The following PRKG1 variants were observed in gnomAD, a reference collection of about 807,000 sequenced individuals.
The protein encoded by PRKG1 is cGMP-dependent protein kinase 1.
Under a neutral mutation model 88.1 loss-of-function variants are expected in PRKG1, and 35 were observed. That is an observed-to-expected ratio of 0.40 (90% CI 0.30 to 0.53). The LOEUF is 0.53. Ranked by LOEUF, PRKG1 falls within the 20% of genes least tolerant of loss-of-function variation. The pLI, the probability that PRKG1 is intolerant of heterozygous loss-of-function variation, is 0.59. For missense variants in PRKG1, 540 were observed against 839.8 expected (o/e 0.64, Z 4.41); for synonymous variants, 303 against 292.5 (o/e 1.04, Z -0.37).
At chr10:51,515,757 G>A (rs1404098128) in intron 3 of PRKG1, among the ~76,000 whole-genome samples, 1 of 152,052 alleles carries the variant, frequency 6.6e-6, no homozygotes, top group East Asian at 1.9e-4. Context: ...CTCGCAACAG[G>A]GGTCCCCTGT....
chr10:51,661,984 G>A (rs551552128), intron 3 of PRKG1, among the ~76,000 whole-genome samples: 21 of 152,126 alleles, frequency 1.4e-4, no homozygotes, highest in African/African-American at 5.1e-4. Flanking sequence ...ATGACAGAAA[G>A]CCAGACACCA....
At chr10:51,285,509 C>T (rs556082421) in intron 2 of PRKG1, among the ~76,000 whole-genome samples, 1 of 152,248 alleles carries the variant, frequency 6.6e-6, no homozygotes, top group East Asian at 1.9e-4. Flanking sequence ...ATATCGCCCA[C>T]AGGCAAAAGC....
chr10:51,169,550 G>C (rs1846641683), intron 2 of PRKG1, among the ~76,000 whole-genome samples: 1 of 147,950 alleles, frequency 6.8e-6, no homozygotes, highest in Non-Finnish European at 1.5e-5. Flanking sequence ...CTCTTATGAG[G>C]TAAGCAACAT....
chr10:51,593,856 C>T (rs1838374107), intron 3 of PRKG1, among the ~76,000 whole-genome samples: 1 of 151,976 alleles, frequency 6.6e-6, no homozygotes, highest in African/African-American at 2.4e-5. Flanking sequence ...TCCAGAGTAG[C>T]TGGGATTACA....
chr10:51,822,347 T>C (rs903473903), intron 4 of PRKG1, among the ~76,000 whole-genome samples: 3 of 152,094 alleles, frequency 2.0e-5, no homozygotes, highest in South Asian at 4.2e-4. Flanking sequence ...ATAATCCTAC[T>C]TAAGTGTAGA....
rs1215095282 is a variant in PRKG1 at position 51,202,442 on chromosome 10, C to T, written c.478+49112C>T. 2.0e-5 allele frequency among the ~76,000 whole-genome samples: 3 copies of T among 152,190 alleles called. No individual in the cohort carries two copies. The East Asian group carries it at 5.8e-4, about 29-fold the overall frequency. On this transcript the variant is annotated intron_variant, in intron 2 of 17. Transcript: ENST00000373980. Reference sequence around the variant, plus strand: ...GTTCTATCCTGCTTTTCTCACTCCCCAGAAGATTTCTCCTGAGAACACTGC... The same window carrying T: ...GTTCTATCCTGCTTTTCTCACTCCCTAGAAGATTTCTCCTGAGAACACTGC...
intron 3 of PRKG1, among the ~76,000 whole-genome samples, chr10:51,744,186 A>G (rs1271094995): frequency 1.3e-5 from 2 of 152,150 alleles, no homozygotes; most frequent in South Asian, 2.1e-4. Context: ...ATAGATTTTC[A>G]TTTAATTCTC....
At chr10:51,903,797 G>A (rs1462848368) in intron 4 of PRKG1, among the ~76,000 whole-genome samples, 1 of 152,068 alleles carries the variant, frequency 6.6e-6, no homozygotes, top group Admixed American at 6.6e-5. Flanking sequence ...AGCTCAGTGA[G>A]TAAGCAATCA....
intron 2 of PRKG1, among the ~76,000 whole-genome samples, chr10:51,281,540 A>T (rs1407556375): frequency 4.6e-5 from 7 of 152,138 alleles, no homozygotes; most frequent in Non-Finnish European, 8.8e-5. Flanking sequence ...TTGAGTAGGT[A>T]AACAAAGCGG....
intron 5 of PRKG1, among the ~76,000 whole-genome samples, chr10:52,019,593 G>C (rs1845129630): frequency 6.6e-6 from 1 of 152,100 alleles, no homozygotes; most frequent in African/African-American, 2.4e-5. Flanking sequence ...GTGTTAATGA[G>C]GATATTTTAT....
At chr10:52,041,063 T>C (rs1222486189) in intron 5 of PRKG1, among the ~76,000 whole-genome samples, 1 of 152,168 alleles carries the variant, frequency 6.6e-6, no homozygotes, top group South Asian at 2.1e-4. Flanking sequence ...AGTTTTGAAC[T>C]CCTGACCTCA....
At chr10:52,098,763 A>G (rs745812026) in intron 7 of PRKG1, among the ~76,000 whole-genome samples, 29 of 152,324 alleles carry the variant, frequency 1.9e-4, no homozygotes, top group Middle Eastern at 6.8e-3. Flanking sequence ...TGATACCTAA[A>G]TGAGTGTTAG....
intron 5 of PRKG1, among the ~76,000 whole-genome samples, chr10:51,927,121 A>T (rs1029288887): frequency 6.6e-6 from 1 of 152,038 alleles, no homozygotes; most frequent in African/African-American, 2.4e-5. Context: ...ATATGGTTTG[A>T]CCATATTCCT....
At chr10:52,215,887 A>G (rs1435914059) in intron 9 of PRKG1, among the ~76,000 whole-genome samples, 4 of 152,218 alleles carry the variant, frequency 2.6e-5, no homozygotes, top group Non-Finnish European at 5.9e-5. Flanking sequence ...TTTCACATGA[A>G]GAACAAAACC....
At chr10:51,889,060 CT>C (rs35369136) in intron 4 of PRKG1, among the ~76,000 whole-genome samples, 190 of 145,626 alleles carry the variant, frequency 1.3e-3, no homozygotes, top group Middle Eastern at 0.011. Context: ...AACACACATT[CT>C]TTTTTTTTTT....
intron 1 of PRKG1, among the ~76,000 whole-genome samples, chr10:51,016,278 C>A (rs1240005798): frequency 1.3e-5 from 2 of 152,144 alleles, no homozygotes; most frequent in African/African-American, 4.8e-5. Context: ...ATTACTCTGC[C>A]AGCTCTGTGT....
intron 4 of PRKG1, among the ~76,000 whole-genome samples, chr10:51,867,811 C>T (rs377130819): frequency 3.1e-4 from 47 of 152,160 alleles, no homozygotes; most frequent in African/African-American, 9.9e-4. Flanking sequence ...ATTGAAAAGA[C>T]GTAAAGTAAT....
chr10:51,859,267 C>T (rs528730037), intron 4 of PRKG1, among the ~76,000 whole-genome samples: 55 of 152,244 alleles, frequency 3.6e-4, no homozygotes, highest in Admixed American at 1.5e-3. Context: ...TATACACCCA[C>T]ACCTGTGCAA....
chr10:51,064,343 A>C (rs751346101), intron 1 of PRKG1, among the ~76,000 whole-genome samples: 19 of 152,080 alleles, frequency 1.2e-4, no homozygotes, highest in Non-Finnish European at 2.7e-4. Flanking sequence ...TTACATTCAC[A>C]TGGTTATTAA....
Sources: gnomAD v4.1 joint callset for allele counts (sites outside exome capture counted in the v4.1 genomes callset) on GRCh38, gnomAD v4.1.1 for gene constraint, MANE v1.5 for transcripts, NCBI Gene and HGNC (gene_info 2026-07-23, HGNC 2026-07-21) for gene names.